IMMP2L: variants seen among roughly 807,000 people sequenced by gnomAD.
The protein encoded by IMMP2L is inner mitochondrial membrane peptidase subunit 2, also known as mitochondrial inner membrane protease subunit 2.
In IMMP2L, 18 loss-of-function variants were observed where a neutral mutation model predicts 19.3. The observed-to-expected ratio is 0.93, with a 90% CI of 0.64 to 1.38. The LOEUF (loss-of-function observed/expected upper bound fraction) is 1.38, where lower values mean the gene tolerates loss of function less well. Among genes scored for constraint, IMMP2L ranks in the 40% most tolerant of loss-of-function variants. The probability of loss-of-function intolerance (pLI) is 0.00; values close to 1 mark genes in which losing one functional copy is unlikely to be tolerated. For missense variants in IMMP2L, 233 were observed against 218.2 expected (o/e 1.07, Z -0.43); for synonymous variants, 76 against 73.0 (o/e 1.04, Z -0.21).
chr7:111,349,178 G>C (rs1202654551), intron 3 of IMMP2L, among the ~76,000 whole-genome samples: 1 of 151,930 alleles, frequency 6.6e-6, no homozygotes, highest in African/African-American at 2.4e-5. Flanking sequence ...TCAGAACATA[G>C]GATTGCTACT....
At chr7:111,409,481 G>A (rs10250608) in intron 3 of IMMP2L, among the ~76,000 whole-genome samples, 3,604 of 151,768 alleles carry the variant, frequency 0.024, 222 homozygotes, top group African/African-American at 0.083. Context: ...TTTAAAAGAA[G>A]CTGTACATGT....
intron 4 of IMMP2L, among the ~76,000 whole-genome samples, chr7:110,894,840 A>T (rs924280833): frequency 6.6e-6 from 1 of 152,142 alleles, no homozygotes; most frequent in Non-Finnish European, 1.5e-5. Flanking sequence ...TAGGCTATTT[A>T]TAATAATTTT....
intron 3 of IMMP2L, among the ~76,000 whole-genome samples, chr7:111,401,218 C>G (rs995796683): frequency 6.6e-6 from 1 of 152,110 alleles, no homozygotes; most frequent in Non-Finnish European, 1.5e-5. Flanking sequence ...AAATAAAATA[C>G]AATTCCAATT....
chr7:110,932,065 A>G (rs1441977944), intron 4 of IMMP2L, among the ~76,000 whole-genome samples: 1 of 151,524 alleles, frequency 6.6e-6, no homozygotes, highest in Non-Finnish European at 1.5e-5. Context: ...ACCCCCTTCT[A>G]TTTTCTTCAG....
intron 3 of IMMP2L, among the ~76,000 whole-genome samples, chr7:111,147,454 G>A (rs1206896894): frequency 1.3e-5 from 2 of 152,190 alleles, no homozygotes; most frequent in East Asian, 1.9e-4. Flanking sequence ...TTGTAAACTG[G>A]AAGGGTTACA....
At chr7:111,481,828 G>A (rs994724867) in intron 3 of IMMP2L, among the ~76,000 whole-genome samples, 4 of 152,174 alleles carry the variant, frequency 2.6e-5, no homozygotes, top group East Asian at 1.9e-4. Flanking sequence ...AGATTTAGAC[G>A]TAGTGTTATC....
intron 3 of IMMP2L, among the ~76,000 whole-genome samples, chr7:111,133,624 A>G (rs1193826048): frequency 6.6e-6 from 1 of 152,054 alleles, no homozygotes; most frequent in African/African-American, 2.4e-5. Flanking sequence ...TGACTATGCC[A>G]AATTTAAAAG....
chr7:110,700,008 C>T (rs966524328), intron 5 of IMMP2L, among the ~76,000 whole-genome samples: 2 of 152,060 alleles, frequency 1.3e-5, no homozygotes, highest in African/African-American at 2.4e-5. Flanking sequence ...CTTCCAATAA[C>T]CTAAATAAGC....
intron 3 of IMMP2L, among the ~76,000 whole-genome samples, chr7:111,471,475 T>C (rs571588908): frequency 1.3e-5 from 2 of 152,198 alleles, no homozygotes; most frequent in South Asian, 4.1e-4. Flanking sequence ...ATGTGGTTAC[T>C]GAACACTTGA....
chr7:111,145,178 T>G (rs1373816232), intron 3 of IMMP2L, among the ~76,000 whole-genome samples: 1 of 152,088 alleles, frequency 6.6e-6, no homozygotes, highest in Non-Finnish European at 1.5e-5. Context: ...AGACATATAC[T>G]CATGCAAGTA....
intron 3 of IMMP2L, among the ~76,000 whole-genome samples, chr7:111,171,986 GGGCACA>G (rs1344028522): frequency 4.6e-5 from 7 of 151,320 alleles, no homozygotes; most frequent in Non-Finnish European, 7.4e-5. Context: ...ATGAAATATA[GGGCACA>G]GGCATTTGGT....
At chr7:111,145,897 G>A (rs1803414967) in intron 3 of IMMP2L, among the ~76,000 whole-genome samples, 1 of 152,064 alleles carries the variant, frequency 6.6e-6, no homozygotes, top group South Asian at 2.1e-4. Flanking sequence ...AATGCTAAAA[G>A]TCAGCTATTC....
At chr7:111,269,918 C>G (rs1393595604) in intron 3 of IMMP2L, among the ~76,000 whole-genome samples, 1 of 152,048 alleles carries the variant, frequency 6.6e-6, no homozygotes, top group Admixed American at 6.6e-5. Context: ...TTGAGAATAC[C>G]TCTTTCAATA....
intron 2 of IMMP2L, among the ~76,000 whole-genome samples, chr7:111,496,606 T>A (rs1442918815): frequency 6.6e-6 from 1 of 152,118 alleles, no homozygotes; most frequent in Non-Finnish European, 1.5e-5. Flanking sequence ...TCTCTCTCGC[T>A]CTCTCTCTCC....
In IMMP2L at chr7:111,199,087, A is replaced by AT. The variant is rs797021249; in HGVS notation, c.240-235523dup. ...AGTGGGGCTGTTATAATTTGTGTCC[A>AT]TTTTTTTTTCATTAATTTACATGTA... On this transcript the variant is annotated intron_variant, in intron 3 of 5. Coordinates refer to ENST00000405709, the MANE Select transcript of IMMP2L (RefSeq NM_032549.4). 7.3e-4 allele frequency among the ~76,000 whole-genome samples: 110 copies of AT among 150,350 alleles called. 1 individual carries two copies. The highest frequency in any genetic ancestry group is 2.9e-3 in the South Asian group (14 of 4,760).
At chr7:110,978,780 T>A (rs1484295605) in intron 3 of IMMP2L, among the ~76,000 whole-genome samples, 1 of 152,046 alleles carries the variant, frequency 6.6e-6, no homozygotes, top group Non-Finnish European at 1.5e-5. Flanking sequence ...AAAATCCCTA[T>A]AGAACCTCCA....
At chr7:111,016,830 T>A in intron 3 of IMMP2L, among the ~76,000 whole-genome samples, 1 of 68,126 alleles carries the variant, frequency 1.5e-5, no homozygotes, top group East Asian at 8.6e-4. Flanking sequence ...ATATAATATA[T>A]AGTATATATT....
chr7:111,009,636 G>A (rs978940897), intron 3 of IMMP2L, among the ~76,000 whole-genome samples: 2 of 151,948 alleles, frequency 1.3e-5, no homozygotes, highest in Non-Finnish European at 2.9e-5. Flanking sequence ...TGTTATATAT[G>A]GCTTTAATCA....
intron 3 of IMMP2L, among the ~76,000 whole-genome samples, chr7:111,112,036 C>T (rs562190425): frequency 1.4e-5 from 2 of 147,776 alleles, no homozygotes; most frequent in East Asian, 4.0e-4. Context: ...CAACCTCTGC[C>T]TCCTGGGTTC....
Sources: allele counts gnomAD v4.1 joint callset (sites outside exome capture counted in the v4.1 genomes callset), GRCh38; gene constraint gnomAD v4.1.1; transcripts MANE v1.5; gene names NCBI Gene and HGNC (gene_info 2026-07-23, HGNC 2026-07-21).